Variants in GPM6A observed in about 807,000 individuals in gnomAD.
The protein encoded by GPM6A is glycoprotein M6A, also known as neuronal membrane glycoprotein M6-a.
Under a neutral mutation model 32.1 loss-of-function variants are expected in GPM6A, and 7 were observed. The observed-to-expected ratio is 0.22, with a 90% CI of 0.12 to 0.41. The LOEUF (loss-of-function observed/expected upper bound fraction) is 0.41, where lower values mean the gene tolerates loss of function less well. Among genes scored for constraint, GPM6A ranks in the 10% least tolerant of loss-of-function variants. GPM6A has a pLI of 1.00. For missense variants in GPM6A, 235 were observed against 347.2 expected (o/e 0.68, Z 2.57); for synonymous variants, 130 against 123.4 (o/e 1.05, Z -0.35).
intron 1 of GPM6A, among the ~76,000 whole-genome samples, chr4:175,769,688 T>C (rs1367228435): frequency 1.3e-5 from 2 of 152,190 alleles, no homozygotes; most frequent in East Asian, 3.9e-4. Context: ...ATAAATGATA[T>C]ATTCCCACAT....
At chr4:175,914,612 C>T (rs1483101966) in intron 1 of GPM6A, among the ~76,000 whole-genome samples, 3 of 152,114 alleles carry the variant, frequency 2.0e-5, no homozygotes, top group Non-Finnish European at 4.4e-5. Flanking sequence ...CGTGAGCCAC[C>T]GCGTCCGCCT....
intron 1 of GPM6A, among the ~76,000 whole-genome samples, chr4:175,909,028 C>CA (rs1218577688): frequency 1.5e-3 from 92 of 61,816 alleles, no homozygotes; most frequent in African/African-American, 1.8e-3. Context: ...TAGAGGCAGA[C>CA]AAAAAAAAAA....
At chr4:175,779,696 A>T (rs1438183455) in intron 1 of GPM6A, among the ~76,000 whole-genome samples, 2 of 152,220 alleles carry the variant, frequency 1.3e-5, no homozygotes, top group East Asian at 3.8e-4. Context: ...TTTTCTATGA[A>T]GCACAATAAA....
chr4:175,831,999 G>A (rs1190997682), intron 1 of GPM6A, among the ~76,000 whole-genome samples: 6 of 152,068 alleles, frequency 3.9e-5, no homozygotes, highest in East Asian at 1.9e-4. Flanking sequence ...GCTGACAGGC[G>A]TGAGCCACCG....
At chr4:175,793,507 G>A (rs531055268) in intron 1 of GPM6A, among the ~76,000 whole-genome samples, 1 of 152,252 alleles carries the variant, frequency 6.6e-6, no homozygotes, top group African/African-American at 2.4e-5. Flanking sequence ...CTCCTGAGTA[G>A]CTGGGAATAT....
At chr4:175,730,179 G>A (rs1480389987) in intron 1 of GPM6A, among the ~76,000 whole-genome samples, 9 of 151,978 alleles carry the variant, frequency 5.9e-5, no homozygotes, top group South Asian at 2.1e-4. Flanking sequence ...ATTTCTCTTC[G>A]TAGCCAAACT....
chr4:175,915,487 A>T (rs1738463784), intron 1 of GPM6A, among the ~76,000 whole-genome samples: 1 of 151,882 alleles, frequency 6.6e-6, no homozygotes, highest in Admixed American at 6.6e-5. Flanking sequence ...AGGGTTTTTA[A>T]TGGAGATAGG....
At chr4:175,840,101 A>G (rs1290465385) in intron 1 of GPM6A, among the ~76,000 whole-genome samples, 2 of 152,192 alleles carry the variant, frequency 1.3e-5, no homozygotes, top group East Asian at 3.9e-4. Flanking sequence ...AGCTTTATTG[A>G]TAGACATTAG....
chr4:175,915,782 G>A lies in GPM6A; in HGVS notation c.-23+86527C>T, dbSNP rs890372414. On this transcript the variant is annotated intron_variant, in intron 1 of 7. Coordinates refer to the GPM6A transcript ENST00000280187. The stretch of plus-strand genomic sequence containing the variant: ...AAAAGGGTATGAGAAACCAGACAAC[G>A]CTGTCTGGTGATATGTTAGTCTTTT... 3.3e-5 allele frequency among the ~76,000 whole-genome samples: 5 copies of A among 152,290 alleles called. No individual in the cohort carries two copies. In the East Asian group the frequency reaches 5.8e-4, roughly 18 times the overall value.
In GPM6A at chr4:175,701,771, T is replaced by A. The variant is rs368394410; in HGVS notation, c.38-4A>T. 8.9e-5 allele frequency: 141 copies of A among 1,583,728 alleles called. No individual in the cohort carries two copies. The African/African-American group carries it at 1.8e-3, about 20-fold the overall frequency. ...TTGATACAGCATTCAAAACACCCTG[T>A]AGAAGATCACAAAGGGAGAAATTCA... On this transcript the variant is annotated splice_polypyrimidine_tract_variant and splice_region_variant and intron_variant, in intron 1 of 6. Transcript: ENST00000393658.
At chr4:175,938,946 AG>A (rs1162730405) in intron 1 of GPM6A, among the ~76,000 whole-genome samples, 3 of 152,206 alleles carry the variant, frequency 2.0e-5, no homozygotes, top group African/African-American at 7.2e-5. Context: ...TTCACCAAAC[AG>A]TGTTACAGCT....
At chr4:175,814,670 A>G (rs757699313), upstream of GPM6A, among the ~76,000 whole-genome samples, 1 of 152,212 alleles carries the variant, frequency 6.6e-6, no homozygotes, top group Non-Finnish European at 1.5e-5. Context: ...ATCAACTTGT[A>G]CCAATTTTTA....
chr4:175,869,674 T>A (rs1419527164), intron 1 of GPM6A, among the ~76,000 whole-genome samples: 5 of 152,048 alleles, frequency 3.3e-5, no homozygotes, highest in Admixed American at 2.6e-4. Context: ...GGAGAATCGC[T>A]TGAACCCAGG....
At chr4:175,665,906 T>C (rs1042174355) in intron 3 of GPM6A, among the ~76,000 whole-genome samples, 12 of 151,698 alleles carry the variant, frequency 7.9e-5, no homozygotes, top group African/African-American at 2.9e-4. Context: ...ATACTGTAAA[T>C]GTCTGAAAAA....
Position 175,781,761 on chromosome 4 carries a change from C to G in GPM6A, c.37+30430G>C, listed in dbSNP as rs185645217. The stretch of plus-strand genomic sequence containing the variant: ...ACTTTGGGTGTGCTATATAACATGG[C>G]CATTGGGATGACTCTCCTGTGCCAA... On this transcript the variant is annotated intron_variant, in intron 1 of 6. Coordinates refer to ENST00000393658, the MANE Select transcript of GPM6A (RefSeq NM_201591.3). 2.6e-5 allele frequency among the ~76,000 whole-genome samples: 4 copies of G among 152,232 alleles called. No homozygotes were observed. In the East Asian group the frequency reaches 7.7e-4, roughly 29 times the overall value.
rs1055908354 is a variant in GPM6A at position 175,633,975 on chromosome 4, G to T, written c.*930C>A. The T allele has an allele frequency of 1.4e-4, 21 of 152,464 alleles. No homozygotes were observed. The highest frequency in any genetic ancestry group is 1.2e-3 in the Admixed American group (19 of 15,256). 9.4% of individuals were successfully genotyped at this position (152,464 alleles called of 1,614,324 possible). On this transcript the variant is annotated 3_prime_UTR_variant, in exon 7 of 7. Coordinates refer to ENST00000393658, the MANE Select transcript of GPM6A (RefSeq NM_201591.3). Reference sequence around the variant, plus strand: ...TTTTAAAGTAGGTAAAACAACTTCCGAGGGGTTAGTGTGCTTATTTGTAAT... The same window carrying T: ...TTTTAAAGTAGGTAAAACAACTTCCTAGGGGTTAGTGTGCTTATTTGTAAT...
At chr4:175,707,918 A>C (rs184389308) in intron 1 of GPM6A, among the ~76,000 whole-genome samples, 16 of 152,284 alleles carry the variant, frequency 1.1e-4, no homozygotes, top group African/African-American at 3.6e-4. Context: ...CATTTCAATA[A>C]ATTTTTCTAA....
At chr4:175,780,308 A>G (rs546814373) in intron 1 of GPM6A, among the ~76,000 whole-genome samples, 2 of 152,264 alleles carry the variant, frequency 1.3e-5, no homozygotes, top group Admixed American at 6.5e-5. Context: ...TCGGCCTCTC[A>G]AAGTGCTGGG....
intron 1 of GPM6A, among the ~76,000 whole-genome samples, chr4:175,817,627 G>A (rs1311812528): frequency 8.6e-6 from 1 of 116,594 alleles, no homozygotes; most frequent in Non-Finnish European, 1.9e-5. Flanking sequence ...TCACCCAAAG[G>A]AGATGAAATT....
Sources: gnomAD v4.1 joint callset for allele counts (sites outside exome capture counted in the v4.1 genomes callset) on GRCh38, gnomAD v4.1.1 for gene constraint, MANE v1.5 for transcripts, NCBI Gene and HGNC (gene_info 2026-07-23, HGNC 2026-07-21) for gene names.